Variants in VPS13B observed in about 807,000 individuals in gnomAD.
The protein encoded by VPS13B is intermembrane lipid transfer protein VPS13B.
Under a neutral mutation model 426.4 loss-of-function variants are expected in VPS13B, and 285 were observed. That is an observed-to-expected ratio of 0.67 (90% confidence interval 0.61 to 0.74). The LOEUF (loss-of-function observed/expected upper bound fraction) is 0.74. VPS13B is among the 30% of genes least tolerant of loss of function. VPS13B has a pLI of 0.00. For missense variants in VPS13B, 4,537 were observed against 4,782.6 expected, an observed-to-expected ratio of 0.95 and a Z score of 1.51; for synonymous variants, 1,676 against 1,676.4, an observed-to-expected ratio of 1.00 and a Z score of 0.01.
chr8:99,456,789 C>A (rs952072927), intron 23 of VPS13B, among the ~76,000 whole-genome samples: 8 of 152,076 alleles, frequency 5.3e-5, no homozygotes, highest in African/African-American at 1.9e-4. Context: ...CTTTTCATAT[C>A]AAGTTAATGC....
chr8:99,250,957 A>G lies in VPS13B; in HGVS notation c.2516-23241A>G, dbSNP rs143590999. ...TATTACATTTTCATTTTCAGTATTC[A>G]CATATATTCATTGAGAAATTGATAA... On this transcript the variant is annotated intron_variant, in intron 17 of 61. Transcript: ENST00000357162. Among the ~76,000 whole-genome samples the G allele has an allele frequency of 3.5e-3, 530 of 151,502 alleles. 4 individuals carry two copies. Among genetic ancestry groups the G allele is most frequent in the African/African-American group, 0.012 (510 of 41,354 alleles).
chr8:99,047,751 G>A (rs1385072755), intron 3 of VPS13B, among the ~76,000 whole-genome samples: 3 of 151,990 alleles, frequency 2.0e-5, no homozygotes, highest in Non-Finnish European at 4.4e-5. Flanking sequence ...GCAGTGGTGC[G>A]ATCTTGGCTC....
At chr8:99,306,340 A>G (rs1024440133) in intron 19 of VPS13B, among the ~76,000 whole-genome samples, 3 of 152,066 alleles carry the variant, frequency 2.0e-5, no homozygotes, top group African/African-American at 7.2e-5. Flanking sequence ...CTAGTGAGGT[A>G]GAGGTTATAT....
At chr8:99,161,331 C>T (rs1811637618) in intron 15 of VPS13B, among the ~76,000 whole-genome samples, 1 of 152,048 alleles carries the variant, frequency 6.6e-6, no homozygotes, top group Admixed American at 6.6e-5. Flanking sequence ...GGTTAACATG[C>T]AGTCAACATA....
intron 24 of VPS13B, among the ~76,000 whole-genome samples, chr8:99,478,447 G>GTTTTGTTTTTTTTTTTTGTTTT (rs1819822769): frequency 7.0e-5 from 6 of 85,776 alleles, no homozygotes; most frequent in South Asian, 3.7e-4. Flanking sequence ...TTTTTGTTTT[G>GTTTTGTTTTTTTTTTTTGTTTT]TTTTTTTTTT....
chr8:99,814,208 T>C (rs1340765026), intron 44 of VPS13B, among the ~76,000 whole-genome samples: 1 of 152,186 alleles, frequency 6.6e-6, no homozygotes, highest in Non-Finnish European at 1.5e-5. Flanking sequence ...AAATAATAGT[T>C]CATTAAAATT....
At chr8:99,329,870 G>T (rs925678354) in intron 19 of VPS13B, among the ~76,000 whole-genome samples, 1 of 151,900 alleles carries the variant, frequency 6.6e-6, no homozygotes, top group Non-Finnish European at 1.5e-5. Context: ...TGACAATGGC[G>T]TGAAGGACAT....
At chr8:99,664,272 T>C (rs1392168932) in intron 35 of VPS13B, among the ~76,000 whole-genome samples, 1 of 151,980 alleles carries the variant, frequency 6.6e-6, no homozygotes, top group Non-Finnish European at 1.5e-5. Flanking sequence ...CCCAAAGTGC[T>C]GGGATTACAG....
chr8:99,643,344 G>T (rs1020907769), intron 34 of VPS13B, among the ~76,000 whole-genome samples: 27 of 152,196 alleles, frequency 1.8e-4, no homozygotes, highest in African/African-American at 5.8e-4. Flanking sequence ...CATCCAGTAG[G>T]TGGAAGCCAG....
At position 99,387,907 on chromosome 8, in the gene VPS13B, TC is replaced by T. The variant is rs145196528; in HGVS notation, c.2934+3591del. Among the ~76,000 whole-genome samples, 8 of 152,316 alleles carry T rather than the reference TC, an allele frequency of 5.3e-5. No homozygotes were observed. The East Asian group carries it at 1.5e-3, about 29-fold the overall frequency. On this transcript the variant is annotated intron_variant, in intron 20 of 61. Coordinates refer to ENST00000357162, the MANE Select transcript of VPS13B (RefSeq NM_152564.5). ...CTTTTACTTCTTGATGTAGGTATGC[TC>T]TTAGAGTGAAATTCATAAAAGTAAG...
rs753340893 is a variant in VPS13B at position 99,219,975 on chromosome 8, G to A, written c.2515+26918G>A. ...AGCCAGTTGTAATGTCTCTCTATAA[G>A]TTTAAAGTCCATAAAACTGGTGTTG... is the stretch of plus-strand genomic sequence containing the variant. On this transcript the variant is annotated intron_variant, in intron 17 of 61. Coordinates refer to ENST00000357162, the MANE Select transcript of VPS13B (RefSeq NM_152564.5). Among the ~76,000 whole-genome samples the A allele has an allele frequency of 4.6e-5, 7 of 152,108 alleles. No homozygotes were observed. The East Asian group carries it at 1.3e-3, about 29-fold the overall frequency.
intron 33 of VPS13B, among the ~76,000 whole-genome samples, chr8:99,617,816 A>G (rs1828165804): frequency 6.6e-6 from 1 of 152,200 alleles, no homozygotes; most frequent in Non-Finnish European, 1.5e-5. Flanking sequence ...TTAAGATGGC[A>G]AAGTGTATAA....
At chr8:99,095,564 T>C (rs969968452) in intron 3 of VPS13B, among the ~76,000 whole-genome samples, 1 of 152,196 alleles carries the variant, frequency 6.6e-6, no homozygotes, top group African/African-American at 2.4e-5. Context: ...GAATTAGTTA[T>C]ACATGTGTTC....
At chr8:99,622,622 A>C (rs1168073000) in intron 33 of VPS13B, among the ~76,000 whole-genome samples, 1 of 152,212 alleles carries the variant, frequency 6.6e-6, no homozygotes, top group African/African-American at 2.4e-5. Context: ...GAATTAACTG[A>C]AATTTTATTG....
chr8:99,595,355 G>C (rs767639883), intron 33 of VPS13B, among the ~76,000 whole-genome samples: 1 of 151,890 alleles, frequency 6.6e-6, no homozygotes, highest in South Asian at 2.1e-4. Context: ...TGACAAGGTA[G>C]TCTAGATCAT....
At chr8:99,049,754 CT>C (rs1587963131) in intron 3 of VPS13B, among the ~76,000 whole-genome samples, 1 of 151,956 alleles carries the variant, frequency 6.6e-6, no homozygotes, top group African/African-American at 2.4e-5. Flanking sequence ...ATTATTCCCC[CT>C]AACATGTTTT....
At chr8:99,760,929 G>T (rs1810896621) in intron 39 of VPS13B, among the ~76,000 whole-genome samples, 1 of 152,116 alleles carries the variant, frequency 6.6e-6, no homozygotes, top group Non-Finnish European at 1.5e-5. Flanking sequence ...ATGTGCATAG[G>T]TTATATGCAA....
At chr8:99,478,447 G>GTTTT (rs56261645) in intron 24 of VPS13B, among the ~76,000 whole-genome samples, 121 of 85,724 alleles carry the variant, frequency 1.4e-3, no homozygotes, top group African/African-American at 2.4e-3. Flanking sequence ...TTTTTGTTTT[G>GTTTT]TTTTTTTTTT....
intron 19 of VPS13B, among the ~76,000 whole-genome samples, chr8:99,313,307 C>G (rs776279246): frequency 6.6e-6 from 1 of 152,024 alleles, no homozygotes; most frequent in Non-Finnish European, 1.5e-5. Context: ...TTTTATCTAC[C>G]TTTGGTCTTT....
Sources: allele counts gnomAD v4.1 joint callset (sites outside exome capture counted in the v4.1 genomes callset), GRCh38; gene constraint gnomAD v4.1.1; transcripts MANE v1.5; gene names NCBI Gene and HGNC (gene_info 2026-07-23, HGNC 2026-07-21).